UBL3: variants seen among roughly 807,000 people sequenced by gnomAD.
UBL3 encodes ubiquitin-like protein 3.
A neutral mutation model predicts 18.4 loss-of-function variants in UBL3; 6 were observed. That is an observed-to-expected ratio of 0.33 (90% CI 0.18 to 0.64). The LOEUF is 0.64. Ranked by LOEUF, UBL3 falls within the 30% of genes least tolerant of loss-of-function variation. UBL3 has a pLI of 0.76. For missense variants in UBL3, 109 were observed against 142.9 expected (o/e 0.76, Z 1.21); for synonymous variants, 49 against 46.6 (o/e 1.05, Z -0.21).
chr13:29,788,878 CGCGCGCACGCGCACGTGTGTGCGTGT>C (rs1877406194), intron 1 of UBL3, among the ~76,000 whole-genome samples: 4 of 30,868 alleles, frequency 1.3e-4, no homozygotes, highest in Non-Finnish European at 2.7e-4. Context: ...TGTGCGCGCG[CGCGCGCACGCGCACGTGTGTGCGTGT>C]GTGTGTGTGT....
chr13:29,818,716 C>G (rs1878348653), intron 1 of UBL3, among the ~76,000 whole-genome samples: 1 of 152,124 alleles, frequency 6.6e-6, no homozygotes, highest in Admixed American at 6.5e-5. Flanking sequence ...CAAATTGAGA[C>G]TTAATTCATT....
At chr13:29,772,256 T>A in intron 2 of UBL3, 58 bp from the exon 3 acceptor site, 1 of 501,844 alleles carries the variant, frequency 2.0e-6, no homozygotes, top group Non-Finnish European at 3.0e-6. Context: ...AAGGTACTAC[T>A]ATATTGTTTT....
chr13:29,817,515 G>C (rs979932099), intron 1 of UBL3, among the ~76,000 whole-genome samples: 2 of 152,160 alleles, frequency 1.3e-5, no homozygotes, highest in African/African-American at 4.8e-5. Context: ...TGGGTCAGGG[G>C]AGGAACAGGA....
intron 1 of UBL3, among the ~76,000 whole-genome samples, chr13:29,847,983 C>A (rs1236208730): frequency 6.6e-6 from 1 of 152,022 alleles, no homozygotes. Context: ...TATGTGGCCA[C>A]CCCCAGAGAC....
At chr13:29,845,362 T>C (rs1238271099) in intron 1 of UBL3, among the ~76,000 whole-genome samples, 1 of 152,086 alleles carries the variant, frequency 6.6e-6, no homozygotes, top group Non-Finnish European at 1.5e-5. Context: ...ACAGTACTTA[T>C]CTACCTTTTG....
intron 1 of UBL3, among the ~76,000 whole-genome samples, chr13:29,823,815 G>A (rs818764): frequency 0.1 from 15,362 of 151,524 alleles, 957 homozygotes; most frequent in African/African-American, 0.17. Context: ...CCATTAACTC[G>A]TCATTTACAT....
At chr13:29,770,583 G>C (rs987792612) in intron 3 of UBL3, among the ~76,000 whole-genome samples, 8 of 152,078 alleles carry the variant, frequency 5.3e-5, no homozygotes, top group South Asian at 2.1e-4. Context: ...TGCTCACATA[G>C]ATCAATACTC....
intron 1 of UBL3, among the ~76,000 whole-genome samples, chr13:29,831,938 A>T (rs554667535): frequency 2.1e-4 from 32 of 152,334 alleles, no homozygotes; most frequent in African/African-American, 7.5e-4. Context: ...TTTCATTAAA[A>T]TTAAACATAA....
At chr13:29,809,333 A>C (rs993977619) in intron 1 of UBL3, among the ~76,000 whole-genome samples, 3 of 152,110 alleles carry the variant, frequency 2.0e-5, no homozygotes, top group African/African-American at 7.2e-5. Context: ...GGCAGTGGGA[A>C]CTTCATGCAT....
chr13:29,850,373 G>C lies in UBL3; in HGVS notation c.-835C>G, dbSNP rs940488276. The stretch of plus-strand genomic sequence containing the variant: ...CCGCCTTCCCCGCCGCCGCCTCCCC[G>C]GTCTCCGCCTTCCCTTCCCCTCCCC... On this transcript the variant is annotated 5_prime_UTR_variant, in exon 1 of 5. Coordinates refer to ENST00000380680, the MANE Select transcript of UBL3 (RefSeq NM_007106.4). 6.5e-6 allele frequency: 1 copy of C among 152,998 alleles called. No homozygotes were observed. The highest frequency in any genetic ancestry group is 6.5e-5 in the Admixed American group (1 of 15,268). The allele number at this position is 152,998 out of a possible 1,614,324, so 9.5% of individuals were successfully genotyped here.
intron 1 of UBL3, among the ~76,000 whole-genome samples, chr13:29,784,431 C>T (rs975345319): frequency 2.0e-5 from 3 of 151,892 alleles, no homozygotes; most frequent in East Asian, 3.9e-4. Context: ...CTTCACATGC[C>T]AGTCTTCCTT....
intron 1 of UBL3, among the ~76,000 whole-genome samples, chr13:29,835,140 AT>A (rs1878915754): frequency 1.3e-3 from 15 of 11,278 alleles, no homozygotes; most frequent in East Asian, 5.3e-3. Flanking sequence ...ATATATATAT[AT>A]ATATATATAT....
At chr13:29,780,388 A>ATG (rs1316552641) in intron 1 of UBL3, among the ~76,000 whole-genome samples, 25,787 of 94,276 alleles carry the variant, frequency 0.27, 3,709 homozygotes, top group Non-Finnish European at 0.35. Context: ...ATATATATAT[A>ATG]TATGTGTGTG....
rs1323490816 is a variant in UBL3 at position 29,764,775 on chromosome 13, T to C, written c.*2480A>G. On this transcript the variant is annotated 3_prime_UTR_variant, in exon 5 of 5. Coordinates refer to ENST00000380680, the MANE Select transcript of UBL3 (RefSeq NM_007106.4). ...ATCATTCAGGCTTTATGTACATTACTGGATCTATGCAGCTCTCACCTTTAG... is the reference window on the plus strand; with the variant it reads ...ATCATTCAGGCTTTATGTACATTACCGGATCTATGCAGCTCTCACCTTTAG... The C allele has an allele frequency of 6.6e-6, 1 of 152,210 alleles. No individual in the cohort carries two copies. The highest frequency in any genetic ancestry group is 1.5e-5 in the Non-Finnish European group (1 of 68,042). The allele number at this position is 152,210 out of a possible 1,614,324, so 9.4% of individuals were successfully genotyped here. A position where few individuals can be genotyped will look rare whatever the true frequency, so the allele number is the denominator to read the frequency against.
At chr13:29,785,036 G>C (rs1226194668) in intron 1 of UBL3, among the ~76,000 whole-genome samples, 1 of 152,150 alleles carries the variant, frequency 6.6e-6, no homozygotes, top group African/African-American at 2.4e-5. Flanking sequence ...TTCCCAAGTA[G>C]CTGGGACTAC....
At chr13:29,792,376 T>A (rs1438356026) in intron 1 of UBL3, among the ~76,000 whole-genome samples, 1 of 151,978 alleles carries the variant, frequency 6.6e-6, no homozygotes, top group African/African-American at 2.4e-5. Flanking sequence ...ACAGTGATAA[T>A]AAAAACCAAT....
rs74815992 is a variant in UBL3 at position 29,807,470 on chromosome 13, T to C, written c.28-30207A>G. On this transcript the variant is annotated intron_variant, in intron 1 of 4. Transcript: ENST00000380680. Reference sequence around the variant, plus strand: ...ACTTCAATTCTCATTGCCTTTTATCTCTTTGTTTTCTGCTCTCCACCAAAT... The same window carrying C: ...ACTTCAATTCTCATTGCCTTTTATCCCTTTGTTTTCTGCTCTCCACCAAAT... Among the ~76,000 whole-genome samples, 994 of 152,306 alleles carry C rather than the reference T, an allele frequency of 6.5e-3. 13 individuals are homozygous for C. The highest frequency in any genetic ancestry group is 0.021 in the African/African-American group (889 of 41,560).
chr13:29,840,862 CA>C (rs1337209874), intron 1 of UBL3, among the ~76,000 whole-genome samples: 1 of 152,104 alleles, frequency 6.6e-6, no homozygotes, highest in African/African-American at 2.4e-5. Context: ...ATACATCTAT[CA>C]TAATCGGTTC....
chr13:29,788,706 T>C (rs981414382), intron 1 of UBL3, among the ~76,000 whole-genome samples: 4 of 152,246 alleles, frequency 2.6e-5, no homozygotes, highest in Non-Finnish European at 4.4e-5. Flanking sequence ...CTCTGACCCA[T>C]GGAACTTCTA....
Sources: gnomAD v4.1 joint callset for allele counts (sites outside exome capture counted in the v4.1 genomes callset) on GRCh38, gnomAD v4.1.1 for gene constraint, MANE v1.5 for transcripts, NCBI Gene and HGNC (gene_info 2026-07-23, HGNC 2026-07-21) for gene names.